Variants in TPRG1 observed in about 807,000 individuals in gnomAD.
TPRG1 encodes the protein tumor protein p63 regulated 1.
In TPRG1, 29 loss-of-function variants were observed where a neutral mutation model predicts 29.3. That is an observed-to-expected ratio of 0.99 (90% CI 0.74 to 1.35). The LOEUF (loss-of-function observed/expected upper bound fraction) is 1.35. TPRG1 is among the 40% of genes most tolerant of loss of function. The pLI, the probability that TPRG1 is intolerant of heterozygous loss-of-function variation, is 0.00. For synonymous variants in TPRG1, 130 were observed against 116.8 expected (o/e 1.11, Z -0.73); for missense variants, 327 against 335.0 (o/e 0.98, Z 0.19).
chr3:189,124,745 T>A (rs2108513780), intron 1 of TPRG1, among the ~76,000 whole-genome samples: 1 of 152,308 alleles, frequency 6.6e-6, no homozygotes, highest in African/African-American at 2.4e-5. Context: ...GTAATCTTTA[T>A]TTTTTCCTCC....
intron 4 of TPRG1, among the ~76,000 whole-genome samples, chr3:189,263,944 G>A (rs904849311): frequency 6.6e-6 from 1 of 152,178 alleles, no homozygotes; most frequent in African/African-American, 2.4e-5. Context: ...GAGAGGCAGG[G>A]TAGGGGCTGG....
chr3:189,017,601 T>G (rs1025981043), intron 3 of TPRG1, among the ~76,000 whole-genome samples: 8 of 152,314 alleles, frequency 5.3e-5, no homozygotes, highest in African/African-American at 1.9e-4. Context: ...GGTGTATATG[T>G]GCCACATTTT....
chr3:189,257,525 G>A (rs1312317838), intron 4 of TPRG1, among the ~76,000 whole-genome samples: 1 of 152,148 alleles, frequency 6.6e-6, no homozygotes, highest in Non-Finnish European at 1.5e-5. Flanking sequence ...GGTGTTCTCT[G>A]TATTTCCTGA....
At chr3:189,228,382 AAC>A (rs1005448562) in intron 3 of TPRG1, among the ~76,000 whole-genome samples, 2 of 152,168 alleles carry the variant, frequency 1.3e-5, no homozygotes, top group African/African-American at 4.8e-5. Context: ...TAGCAAATAT[AAC>A]ACAGTATTAA....
intron 4 of TPRG1, among the ~76,000 whole-genome samples, chr3:189,065,821 A>C (rs1716401473): frequency 6.6e-6 from 1 of 152,106 alleles, no homozygotes; most frequent in East Asian, 1.9e-4. Context: ...CAGTAAGCTA[A>C]GAAAAAAAAA....
chr3:189,227,973 C>T (rs924264052), intron 3 of TPRG1, among the ~76,000 whole-genome samples: 2 of 151,934 alleles, frequency 1.3e-5, no homozygotes, highest in Non-Finnish European at 2.9e-5. Flanking sequence ...ATACAAAAAT[C>T]AGCCAGGTGT....
chr3:189,216,802 C>T (rs1736139730), intron 3 of TPRG1, among the ~76,000 whole-genome samples: 2 of 152,186 alleles, frequency 1.3e-5, no homozygotes, highest in South Asian at 2.1e-4. Context: ...ACACGCATTT[C>T]ATTTCCCACC....
chr3:189,156,355 TA>T (rs35527713), intron 5 of TPRG1, among the ~76,000 whole-genome samples: 3,197 of 100,684 alleles, frequency 0.032, 88 homozygotes, highest in African/African-American at 0.074. Flanking sequence ...GAACTATAAG[TA>T]AAAAAAAAAA....
intron 4 of TPRG1, among the ~76,000 whole-genome samples, chr3:189,288,242 G>T (rs943612507): frequency 1.3e-5 from 2 of 151,996 alleles, no homozygotes; most frequent in African/African-American, 4.8e-5. Flanking sequence ...AACATTGTAT[G>T]TAAAAAAAAG....
chr3:189,244,915 A>G (rs148118295), intron 4 of TPRG1, among the ~76,000 whole-genome samples: 146 of 152,162 alleles, frequency 9.6e-4, no homozygotes, highest in African/African-American at 3.3e-3. Context: ...GTTGATCTCT[A>G]TCTCTGCTCT....
At chr3:189,230,236 C>A (rs920757240) in intron 3 of TPRG1, among the ~76,000 whole-genome samples, 3 of 152,120 alleles carry the variant, frequency 2.0e-5, no homozygotes, top group African/African-American at 7.2e-5. Flanking sequence ...GTAGAGAGAG[C>A]AAAATTGCCT....
In TPRG1 at chr3:189,321,771, G is replaced by A. The variant is rs1302424437; in HGVS notation, c.*951G>A. On this transcript the variant is annotated 3_prime_UTR_variant, in exon 6 of 6. Coordinates refer to ENST00000345063, the MANE Select transcript of TPRG1 (RefSeq NM_198485.4). ...TCTTCTAAAGAAATCTTTTGTAGAA[G>A]CAGCATATACGAAGCAGATAAAAGT... 6.6e-6 allele frequency: 1 copy of A among 152,028 alleles called. No homozygotes were observed. The highest frequency in any genetic ancestry group is 1.5e-5 in the Non-Finnish European group (1 of 67,980). 9.4% of individuals were successfully genotyped at this position (152,028 alleles called of 1,614,324 possible).
chr3:189,305,867 T>C (rs1209770991), intron 4 of TPRG1, among the ~76,000 whole-genome samples: 2 of 152,240 alleles, frequency 1.3e-5, no homozygotes, highest in Middle Eastern at 3.2e-3. Context: ...TGCCTCTTTC[T>C]GGGAGGCTTT....
intron 1 of TPRG1, among the ~76,000 whole-genome samples, chr3:189,109,057 A>C (rs770210447): frequency 5.3e-5 from 8 of 151,940 alleles, no homozygotes; most frequent in Non-Finnish European, 7.4e-5. Context: ...AGAAGGTAAA[A>C]GTTGGTATTT....
chr3:189,215,480 C>G (rs1735930536), intron 3 of TPRG1, 97 bp downstream of exon 3: 1 of 994,950 alleles, frequency 1.0e-6, no homozygotes, highest in Non-Finnish European at 1.5e-6. Context: ...TAGAATTTCT[C>G]TGGTTGCTAC....
intron 3 of TPRG1, among the ~76,000 whole-genome samples, chr3:189,134,705 C>A (rs1187663709): frequency 2.6e-5 from 4 of 152,106 alleles, no homozygotes; most frequent in Admixed American, 2.6e-4. Flanking sequence ...GCATGAGCCA[C>A]TGCATCTGGA....
rs745872842 is a variant in TPRG1 at position 189,320,735 on chromosome 3, T to C, written c.743T>C (p.Ile248Thr). ...KLMVLTEPIL[I>T]ETYTGLMSFI... ...ATGGTGTTAACTGAACCCATTTTGATTGAGACCTACACAGGGCTGATGTCA... is the reference window on the plus strand; with the variant it reads ...ATGGTGTTAACTGAACCCATTTTGACTGAGACCTACACAGGGCTGATGTCA... The change falls in exon 6 of 6, where the codon ATT becomes ACT. Residue 248 changes from isoleucine to threonine, a missense_variant. By Grantham distance (89) the Ile-to-Thr change is moderately conservative. Transcript: ENST00000345063. 4.2e-5 allele frequency: 66 copies of C among 1,579,122 alleles called. No individual in the cohort carries two copies. The highest frequency in any genetic ancestry group is 5.2e-5 in the Non-Finnish European group (60 of 1,162,210).
Position 189,158,608 on chromosome 3 carries a change from C to CA in TPRG1, c.-10+7742dup, listed in dbSNP as rs567876698. ...TGGGCGACAAAGTAATACTCCATCT[C>CA]AAAAAATAAAAAAAAATAATAAGTA... On this transcript the variant is annotated intron_variant, in intron 5 of 6. Transcript: ENST00000412373. Among the ~76,000 whole-genome samples the CA allele has an allele frequency of 4.4e-4, 66 of 151,124 alleles. No individual in the cohort carries two copies. In the South Asian group the frequency reaches 6.1e-3, roughly 14 times the overall value.
At chr3:189,151,868 A>G (rs552414078) in intron 5 of TPRG1, among the ~76,000 whole-genome samples, 50 of 152,206 alleles carry the variant, frequency 3.3e-4, no homozygotes, top group African/African-American at 1.2e-3. Flanking sequence ...GCGAGAGAGC[A>G]TGACTCCATC....
Sources: gnomAD v4.1 joint callset for allele counts (sites outside exome capture counted in the v4.1 genomes callset) on GRCh38, gnomAD v4.1.1 for gene constraint, MANE v1.5 for transcripts, NCBI Gene and HGNC (gene_info 2026-07-23, HGNC 2026-07-21) for gene names.